The following LAMA2 variants were observed in gnomAD, a reference collection of about 807,000 sequenced individuals.
The protein encoded by LAMA2 is laminin subunit alpha 2.
In LAMA2, 269 loss-of-function variants were observed where a neutral mutation model predicts 364.8. The ratio of observed to expected loss-of-function variants is 0.74; its 90% CI spans 0.67 to 0.82. The LOEUF (loss-of-function observed/expected upper bound fraction) is 0.82, where lower values mean the gene tolerates loss of function less well. Among genes scored for constraint, LAMA2 ranks in the 40% least tolerant of loss-of-function variants. The pLI is 0.00. For synonymous variants in LAMA2, 1,379 were observed against 1,370.6 expected (o/e 1.01, Z -0.14); for missense variants, 3,807 against 3,873.2 (o/e 0.98, Z 0.45).
At chr6:129,121,635 T>A (rs905302827) in intron 4 of LAMA2, among the ~76,000 whole-genome samples, 3 of 152,198 alleles carry the variant, frequency 2.0e-5, no homozygotes, top group African/African-American at 7.2e-5. Flanking sequence ...AATTGTAGGC[T>A]TTAGAAAAAT....
intron 34 of LAMA2, among the ~76,000 whole-genome samples, chr6:129,378,432 T>C (rs942827354): frequency 6.6e-6 from 1 of 152,214 alleles, no homozygotes; most frequent in Non-Finnish European, 1.5e-5. Context: ...GCATTTGTCA[T>C]AGGCTTCTTT....
In LAMA2 at chr6:129,516,525, T is replaced by C. The variant is rs1787097664; in HGVS notation, c.*178T>C. On this transcript the variant is annotated 3_prime_UTR_variant, in exon 65 of 65. Transcript: ENST00000421865. ...ACTGAATTTTAATTCAAGTTCTTTC[T>C]CAAGTCTATAAATAATATTAAACTG... is the stretch of plus-strand genomic sequence containing the variant. The C allele has an allele frequency of 3.3e-6, 2 of 603,950 alleles. No homozygotes were observed. The highest frequency in any genetic ancestry group is 2.2e-5 in the African/African-American group (1 of 45,950). 37.4% of individuals were successfully genotyped at this position (603,950 alleles called of 1,614,324 possible).
intron 1 of LAMA2, among the ~76,000 whole-genome samples, chr6:128,921,241 CTAAAAG>C (rs1209058570): frequency 1.3e-5 from 2 of 151,926 alleles, no homozygotes; most frequent in Admixed American, 1.3e-4. Context: ...AAAATGATGA[CTAAAAG>C]TAAGGGTTGT....
At position 129,464,352 on chromosome 6, in the gene LAMA2, G is replaced by C. The variant is rs779524640; in HGVS notation, c.7055G>C (p.Ser2352Thr). The C allele has an allele frequency of 3.2e-5, 51 of 1,611,924 alleles. No individual in the cohort carries two copies. The highest frequency in any genetic ancestry group is 3.1e-4 in the South Asian group (28 of 91,048). ...QFDGEGYALV[S>T]RPIRWYPNIS... ...GATGGAGAAGGTTATGCATTGGTCA[G>C]CCGTCCCATTCGCTGGTACCCCAAC... The change falls in exon 50 of 65, where the codon AGC becomes ACC. Residue 2352 changes from serine to threonine, a missense_variant. Ser to Thr is a moderately conservative substitution (Grantham distance 58). Around this residue, in one of 3 missense-constraint regions of LAMA2, gnomAD observed 3,333 missense variants for 3,345.7 expected, o/e 1.00. Coordinates refer to ENST00000421865, the MANE Select transcript of LAMA2 (RefSeq NM_000426.4).
At chr6:129,495,597 A>C (rs1339029257) in intron 58 of LAMA2, among the ~76,000 whole-genome samples, 1 of 152,146 alleles carries the variant, frequency 6.6e-6, no homozygotes, top group Non-Finnish European at 1.5e-5. Context: ...CTTCTTCTCT[A>C]CCACTAGAAC....
intron 1 of LAMA2, among the ~76,000 whole-genome samples, chr6:128,993,740 CAA>C (rs772501065): frequency 3.9e-5 from 6 of 152,148 alleles, no homozygotes; most frequent in East Asian, 3.9e-4. Context: ...GTTTCTGAAA[CAA>C]GAGATCTATG....
At chr6:128,991,358 A>G (rs1783599620) in intron 1 of LAMA2, among the ~76,000 whole-genome samples, 1 of 152,186 alleles carries the variant, frequency 6.6e-6, no homozygotes, top group Non-Finnish European at 1.5e-5. Context: ...ATGAAACACT[A>G]TTGCCATTTT....
At chr6:129,036,665 C>T (rs911329288) in intron 1 of LAMA2, among the ~76,000 whole-genome samples, 2 of 151,552 alleles carry the variant, frequency 1.3e-5, no homozygotes, top group African/African-American at 4.8e-5. Flanking sequence ...AAAGAGCCCA[C>T]AGCAGCTCAG....
At chr6:128,941,782 G>A (rs775821614) in intron 1 of LAMA2, among the ~76,000 whole-genome samples, 26 of 152,056 alleles carry the variant, frequency 1.7e-4, no homozygotes, top group Non-Finnish European at 2.4e-4. Context: ...AAGTAATTTC[G>A]TTCTCTGTGC....
At chr6:129,455,807 CT>C (rs1782931854) in intron 47 of LAMA2, among the ~76,000 whole-genome samples, 1 of 152,040 alleles carries the variant, frequency 6.6e-6, no homozygotes, top group Admixed American at 6.6e-5. Flanking sequence ...ATATACCATT[CT>C]AGGAAGACTA....
intron 1 of LAMA2, among the ~76,000 whole-genome samples, chr6:128,892,874 A>T (rs1360015211): frequency 6.6e-6 from 1 of 151,902 alleles, no homozygotes; most frequent in Non-Finnish European, 1.5e-5. Context: ...AAAACCAAAA[A>T]ACCTACTTCA....
At chr6:128,895,309 A>T (rs377555936) in intron 1 of LAMA2, among the ~76,000 whole-genome samples, 1 of 152,042 alleles carries the variant, frequency 6.6e-6, no homozygotes, top group Non-Finnish European at 1.5e-5. Context: ...CCACAGTTGG[A>T]CATATGATGT....
At chr6:129,498,543 G>A (rs779107617) in intron 58 of LAMA2, among the ~76,000 whole-genome samples, 40 of 152,318 alleles carry the variant, frequency 2.6e-4, no homozygotes, top group South Asian at 1.0e-3. Context: ...AACATCTTGA[G>A]TAGGGCTTTT....
chr6:128,926,481 A>G (rs56870151), intron 1 of LAMA2, among the ~76,000 whole-genome samples: 1,536 of 152,308 alleles, frequency 0.01, 31 homozygotes, highest in African/African-American at 0.035. Flanking sequence ...CAAGATGAAG[A>G]GTTGGAAAGG....
At chr6:128,908,462 C>T (rs1323556925) in intron 1 of LAMA2, among the ~76,000 whole-genome samples, 126 of 149,108 alleles carry the variant, frequency 8.5e-4, no homozygotes, top group African/African-American at 2.8e-3. Context: ...GTTTGTATTT[C>T]TGTGGGATCG....
At chr6:129,294,352 T>G (rs1377724709) in intron 20 of LAMA2, among the ~76,000 whole-genome samples, 1 of 152,194 alleles carries the variant, frequency 6.6e-6, no homozygotes, top group Non-Finnish European at 1.5e-5. Flanking sequence ...CTAAGTGGCA[T>G]GTAAACAATG....
Position 129,438,748 on chromosome 6 carries a change from C to T in LAMA2, c.6071C>T (p.Ser2024Leu), listed in dbSNP as rs946172517. The change falls in exon 42 of 65, where the codon TCA (serine) becomes TTA (leucine). Residue 2024 changes from serine (S) to leucine (L), a missense_variant. Transcript: ENST00000421865. ...RTLNDTLGKL[S>L]AIPNDTAAKL... ...TTGAATGACACTTTGGGAAAGTTAT[C>T]AGCTATTCCAAATGGTAAGCATTCA... The T allele has an allele frequency of 5.2e-6, 8 of 1,551,310 alleles. No homozygotes were observed. Among genetic ancestry groups the T allele is most frequent in the Non-Finnish European group, 6.2e-6 (7 of 1,123,252 alleles).
intron 28 of LAMA2, among the ~76,000 whole-genome samples, chr6:129,326,931 C>T (rs1188368905): frequency 6.6e-6 from 1 of 151,006 alleles, no homozygotes; most frequent in African/African-American, 2.4e-5. Context: ...TTCAGTTATG[C>T]TTAAACTAAT....
intron 11 of LAMA2, among the ~76,000 whole-genome samples, chr6:129,191,382 T>A (rs527612525): frequency 6.6e-6 from 1 of 152,230 alleles, no homozygotes; most frequent in Non-Finnish European, 1.5e-5. Flanking sequence ...ATCAACTGTA[T>A]TGCTTTCAGA....
Sources: gnomAD v4.1 joint callset for allele counts (sites outside exome capture counted in the v4.1 genomes callset) on GRCh38, gnomAD v4.1.1 for gene constraint, gnomAD v4.1.1 regional missense constraint, MANE v1.5 for transcripts, NCBI Gene and HGNC (gene_info 2026-07-23, HGNC 2026-07-21) for gene names.